Variants in KLK10 observed in about 807,000 individuals in gnomAD.
The protein encoded by KLK10 is kallikrein-10.
KLK10 carries 27 observed loss-of-function variants against 25.7 expected under a neutral mutation model. The ratio of observed to expected loss-of-function variants is 1.05; its 90% CI spans 0.77 to 1.45. KLK10 has a LOEUF of 1.45. Among genes scored for constraint, KLK10 ranks in the 40% most tolerant of loss-of-function variants. The probability of loss-of-function intolerance (pLI) is 0.00; values close to 1 mark genes in which losing one functional copy is unlikely to be tolerated. For missense variants in KLK10, 386 were observed against 370.0 expected (o/e 1.04, Z -0.35); for synonymous variants, 173 against 160.1 (o/e 1.08, Z -0.61).
chr19:51,014,644 A>C lies in KLK10; in HGVS notation c.*156T>G. ...AGGTGGGGGAATGAGGTGAGAGGGG[A>C]GATGTTTAGAGGTGTGGAGGGCGGC... is the stretch of plus-strand genomic sequence containing the variant. On this transcript the variant is annotated 3_prime_UTR_variant, in exon 6 of 6. Transcript: ENST00000358789. 1 of 621,858 alleles carries C rather than the reference A, an allele frequency of 1.6e-6. No homozygotes were observed. The highest frequency in any genetic ancestry group is 2.1e-5 in the South Asian group (1 of 48,070). 38.5% of individuals were successfully genotyped at this position (621,858 alleles called of 1,614,324 possible). A position where few individuals can be genotyped will look rare whatever the true frequency, so the allele number is the denominator to read the frequency against.
In KLK10 at chr19:51,015,480, G is replaced by A. The variant is rs1319815547; in HGVS notation, c.615C>T (p.Tyr205=). The A allele has an allele frequency of 4.3e-6, 7 of 1,613,756 alleles. No individual in the cohort carries two copies. Among genetic ancestry groups the A allele is most frequent in the Non-Finnish European group, 5.9e-6 (7 of 1,179,888 alleles). The change falls in exon 5 of 6, where the codon TAC becomes TAT. Residue 205 remains tyrosine (Y), a synonymous_variant. Coordinates refer to ENST00000358789, the MANE Select transcript of KLK10 (RefSeq NM_145888.3). ...ILSPKECEVF[Y]PGVVTNNMIC... is the part of the protein sequence containing the mutation. Reference sequence around the variant, plus strand: ...TCATGTTGTTGGTGACCACGCCAGGGTAGAAGACCTCACACTCTTTAGGGC... The same window carrying A: ...TCATGTTGTTGGTGACCACGCCAGGATAGAAGACCTCACACTCTTTAGGGC...
chr19:51,017,628 T>G (rs1014411365), intron 2 of KLK10, among the ~76,000 whole-genome samples: 13 of 129,546 alleles, frequency 1.0e-4, no homozygotes, highest in East Asian at 2.2e-4. Flanking sequence ...GAGGTAAGGG[T>G]GCGGGGATAG....
At chr19:51,017,642 T>G (rs1385618127) in intron 2 of KLK10, among the ~76,000 whole-genome samples, 1 of 147,988 alleles carries the variant, frequency 6.8e-6, no homozygotes, top group East Asian at 2.0e-4. Flanking sequence ...GGGATAGAAC[T>G]CGGGGATCGG....
At chr19:51,015,853 G>C (rs903343510) in intron 4 of KLK10, 29 bp downstream of exon 4, 8 of 1,486,176 alleles carry the variant, frequency 5.4e-6, no homozygotes, top group Non-Finnish European at 6.2e-6. Context: ...CTCCTCCTGA[G>C]GTTCCGGCCT....
In KLK10 at chr19:51,015,455, T is replaced by C. The variant is rs2091312367; in HGVS notation, c.640A>G (p.Ile214Val). ...TGGCCCCGGTCCAGTCCAGCACATA[T>C]CATGTTGTTGGTGACCACGCCAGGG... ...FYPGVVTNNM[I>V]CAGLDRGQDP... Residue 214 changes from isoleucine to valine, a missense_variant, in exon 5 of 6, where the codon ATA becomes GTA. Physicochemically the swap from Ile to Val is conservative, Grantham distance 29. Transcript: ENST00000358789. 1.2e-6 allele frequency: 2 copies of C among 1,613,638 alleles called. No homozygotes were observed. Among genetic ancestry groups the C allele is most frequent in the Non-Finnish European group, 1.7e-6 (2 of 1,179,882 alleles).
intron 5 of KLK10, 123 bp from the exon 6 acceptor site, chr19:51,015,075 G>T: frequency 5.9e-6 from 5 of 843,566 alleles, no homozygotes; most frequent in Non-Finnish European, 9.2e-6. Context: ...ATGGGATGGG[G>T]TTGGAATTAG....
intron 2 of KLK10, 58 bp downstream of exon 2, chr19:51,018,985 C>G (rs1226935021): frequency 4.0e-6 from 5 of 1,259,496 alleles, no homozygotes. Context: ...GGAACACATT[C>G]TCCTCCCGCC....
Position 51,014,435 on chromosome 19 carries a change from G to C in KLK10, c.*365C>G, listed in dbSNP as rs915267237. The C allele has an allele frequency of 2.9e-5, 6 of 208,268 alleles. No homozygotes were observed. The highest frequency in any genetic ancestry group is 1.4e-4 in the African/African-American group (6 of 43,420). 12.9% of individuals were successfully genotyped at this position (208,268 alleles called of 1,614,324 possible). ...CCCATTTTGCAGATGAGGAAACTGAGGTTCAGAGAGGGCACTTGGCTTGCC... is the reference window on the plus strand; with the variant it reads ...CCCATTTTGCAGATGAGGAAACTGACGTTCAGAGAGGGCACTTGGCTTGCC... On this transcript the variant is annotated 3_prime_UTR_variant, in exon 6 of 6. Transcript: ENST00000358789.
chr19:51,018,000 CAAA>C (rs1162503837), intron 2 of KLK10, among the ~76,000 whole-genome samples: 2,310 of 27,550 alleles, frequency 0.084, 28 homozygotes, highest in East Asian at 0.23. Flanking sequence ...GACCCTGTCT[CAAA>C]AAAAAAAAAA....
intron 2 of KLK10, 174 bp from the exon 3 acceptor site, chr19:51,017,464 A>G: frequency 1.6e-6 from 1 of 622,902 alleles, no homozygotes; most frequent in Non-Finnish European, 2.8e-6. Context: ...GAGGAGAAGA[A>G]GCGCGTGAAA....
At chr19:51,016,811 C>T (rs771163701) in intron 3 of KLK10, among the ~76,000 whole-genome samples, 1 of 152,094 alleles carries the variant, frequency 6.6e-6, no homozygotes, top group Non-Finnish European at 1.5e-5. Flanking sequence ...GAACCTTTTC[C>T]TTTAGTTCTA....
chr19:51,017,671 A>G (rs957277364), intron 2 of KLK10, among the ~76,000 whole-genome samples: 6 of 151,426 alleles, frequency 4.0e-5, no homozygotes, highest in East Asian at 3.9e-4. Context: ...AGGGGTGTGA[A>G]TAACAAAACG....
chr19:51,015,821 A>T, intron 4 of KLK10, 61 bp downstream of exon 4: 1 of 1,419,182 alleles, frequency 7.0e-7, no homozygotes, highest in Non-Finnish European at 9.3e-7. Context: ...CCTCAGACCC[A>T]GGGGTTCAGG....
Position 51,015,534 on chromosome 19 carries a change from G to A in KLK10, c.561C>T (p.Gly187=), listed in dbSNP as rs773377075. 9.3e-6 allele frequency: 15 copies of A among 1,613,864 alleles called. No individual in the cohort carries two copies. The highest frequency in any genetic ancestry group is 3.3e-5 in the South Asian group (3 of 91,072). Residue 187 remains glycine (G), a synonymous_variant, in exon 5 of 6, where the codon GGC becomes GGT. Transcript: ENST00000358789. The part of the protein sequence containing the change: ...TAARRVKYNK[G]LTCSSITILS... ...GGATAGTGATGCTGGAGCAGGTCAG[G>A]CCCTTGTTGTACTTCACTGAAGGGA...
At chr19:51,018,967 T>C in intron 2 of KLK10, 76 bp downstream of exon 2, 1 of 1,092,810 alleles carries the variant, frequency 9.2e-7, no homozygotes, top group Admixed American at 2.0e-5. Flanking sequence ...GCGCGGGGCT[T>C]GGTGACGGGA....
rs369998930 is a variant in KLK10 at position 51,018,079 on chromosome 19, C to G, written c.89-789G>C. Among the ~76,000 whole-genome samples, 15 of 124,150 alleles carry G rather than the reference C, an allele frequency of 1.2e-4. No individual in the cohort carries two copies. The South Asian group carries it at 3.9e-3, about 32-fold the overall frequency. The allele number at this position is 124,150 out of a possible 152,430, so 81.4% of individuals were successfully genotyped here. A position where few individuals can be genotyped will look rare whatever the true frequency, so the allele number is the denominator to read the frequency against. ...ACCAGCTACTCTGGAGGCTGAGTAT[C>G]GCTTGAGCCCAGGAGGTCGAGGCTG... On this transcript the variant is annotated intron_variant, in intron 2 of 5. Transcript: ENST00000358789.
chr19:51,017,685 T>G (rs572196404), intron 2 of KLK10, among the ~76,000 whole-genome samples: 1 of 151,008 alleles, frequency 6.6e-6, no homozygotes. Context: ...CAAAACGGGA[T>G]TGAAAACCAG....
Position 51,012,759 on chromosome 19 carries a change from T to C in KLK10, c.*2041A>G, listed in dbSNP as rs2739429. On this transcript the variant is annotated 3_prime_UTR_variant, in exon 6 of 6. Transcript: ENST00000358789. ...ACAAATGAGATAATTTCAGGTATAA[T>C]AGGTGCTATTAAAAAAAAAAACAAA... The C allele has an allele frequency of 0.38, 55,632 of 145,976 alleles. 10,617 individuals are homozygous for C. Among genetic ancestry groups the C allele is most frequent in the African/African-American group, 0.5 (19,291 of 38,590 alleles). 9.0% of individuals were successfully genotyped at this position (145,976 alleles called of 1,614,324 possible). A position where few individuals can be genotyped will look rare whatever the true frequency, so the allele number is the denominator to read the frequency against.
intron 2 of KLK10, chr19:51,018,717 AACAAAACAAAACACGG>A (rs1282805944): frequency 8.3e-6 from 3 of 360,060 alleles, no homozygotes; most frequent in African/African-American, 6.5e-5. Context: ...CAAACAAACA[AACAAAACAAAACACGG>A]TAGTGTAAAA....
Sources: gnomAD v4.1 joint callset for allele counts (sites outside exome capture counted in the v4.1 genomes callset) on GRCh38, gnomAD v4.1.1 for gene constraint, MANE v1.5 for transcripts, NCBI Gene and HGNC (gene_info 2026-07-23, HGNC 2026-07-21) for gene names.